ADK: variants seen among roughly 807,000 people sequenced by gnomAD.
The protein encoded by ADK is N6,N6-dimethyladenosine kinase.
In ADK, 24 loss-of-function variants were observed where a neutral mutation model predicts 44.7. That is an observed-to-expected ratio of 0.54 (90% confidence interval 0.39 to 0.76). ADK has a LOEUF of 0.76. ADK is among the 30% of genes least tolerant of loss of function. ADK has a pLI of 0.00. For synonymous variants in ADK, 128 were observed against 142.6 expected (o/e 0.90, Z 0.73); for missense variants, 321 against 425.1 (o/e 0.76, Z 2.15).
chr10:74,401,852 G>T (rs2132877309), intron 6 of ADK, among the ~76,000 whole-genome samples: 1 of 152,248 alleles, frequency 6.6e-6, no homozygotes, highest in South Asian at 2.1e-4. Flanking sequence ...TCTTTACAAT[G>T]TAGCATGTTT....
At chr10:74,699,147 CCTT>C (rs1415038003) in intron 10 of ADK, among the ~76,000 whole-genome samples, 1 of 87,852 alleles carries the variant, frequency 1.1e-5, no homozygotes, top group Admixed American at 1.6e-4. Flanking sequence ...CCCAACCTAG[CCTT>C]TTTTTTTTTT....
At chr10:74,342,377 A>C (rs950389135) in intron 4 of ADK, among the ~76,000 whole-genome samples, 1 of 152,104 alleles carries the variant, frequency 6.6e-6, no homozygotes, top group Non-Finnish European at 1.5e-5. Context: ...CCCAAATATT[A>C]TTTTCTTTTT....
intron 4 of ADK, among the ~76,000 whole-genome samples, chr10:74,373,663 G>A (rs1312611213): frequency 6.6e-6 from 1 of 152,202 alleles, no homozygotes; most frequent in Non-Finnish European, 1.5e-5. Context: ...CAGAAGGACA[G>A]AGTTTTGGCA....
intron 10 of ADK, among the ~76,000 whole-genome samples, chr10:74,677,975 A>AAAG (rs1855460243): frequency 6.8e-6 from 1 of 146,502 alleles, no homozygotes; most frequent in Non-Finnish European, 1.5e-5. Context: ...CAAAAAAAAA[A>AAAG]AAAAAAAAAA....
intron 7 of ADK, among the ~76,000 whole-genome samples, chr10:74,556,463 T>C (rs1001080859): frequency 8.5e-5 from 13 of 152,226 alleles, no homozygotes; most frequent in Non-Finnish European, 1.9e-4. Context: ...TGTACTGTTA[T>C]TTGCCACTGA....
intron 3 of ADK, among the ~76,000 whole-genome samples, chr10:74,302,074 C>G (rs1305755193): frequency 2.1e-5 from 2 of 94,424 alleles, no homozygotes; most frequent in African/African-American, 4.3e-5. Flanking sequence ...CTTATTTTTG[C>G]TTTCTTTTCT....
At chr10:74,602,687 C>T (rs1209166155) in intron 9 of ADK, among the ~76,000 whole-genome samples, 1 of 152,130 alleles carries the variant, frequency 6.6e-6, no homozygotes, top group African/African-American at 2.4e-5. Flanking sequence ...TCAAAGGATG[C>T]ACTATATCTG....
chr10:74,565,739 A>C (rs1014644881), intron 7 of ADK, among the ~76,000 whole-genome samples: 15 of 151,674 alleles, frequency 9.9e-5, no homozygotes, highest in East Asian at 7.7e-4. Flanking sequence ...AAAAAAAAAA[A>C]AAAAAAAAAA....
At chr10:74,192,587 A>G (rs978787791) in intron 1 of ADK, among the ~76,000 whole-genome samples, 4 of 148,138 alleles carry the variant, frequency 2.7e-5, no homozygotes, top group Admixed American at 2.1e-4. Flanking sequence ...GCCAGAGTGT[A>G]TTGGCATGAT....
chr10:74,550,671 A>G (rs1417702516), intron 7 of ADK, among the ~76,000 whole-genome samples: 3 of 152,216 alleles, frequency 2.0e-5, no homozygotes, highest in East Asian at 3.8e-4. Flanking sequence ...GACATGGTAT[A>G]GTAGGTAGTC....
At chr10:74,422,395 G>GT (rs1291988947) in intron 6 of ADK, among the ~76,000 whole-genome samples, 1 of 152,198 alleles carries the variant, frequency 6.6e-6, no homozygotes, top group Non-Finnish European at 1.5e-5. Flanking sequence ...ATGTTACATA[G>GT]TTTCCTGGAT....
intron 3 of ADK, among the ~76,000 whole-genome samples, chr10:74,228,692 G>A (rs1844639065): frequency 6.6e-6 from 1 of 152,088 alleles, no homozygotes. Flanking sequence ...ATTGAAAATA[G>A]AACCATTTTG....
chr10:74,464,816 G>A (rs956521872), intron 6 of ADK, among the ~76,000 whole-genome samples: 28 of 145,604 alleles, frequency 1.9e-4, no homozygotes, highest in Non-Finnish European at 3.1e-4. Flanking sequence ...CCACTGCACT[G>A]CAGCCTGGGC....
chr10:74,177,945 A>ATATATTTT (rs10693309), intron 1 of ADK, among the ~76,000 whole-genome samples: 2,144 of 108,854 alleles, frequency 0.02, 23 homozygotes, highest in Middle Eastern at 0.041. Flanking sequence ...ATATATATAT[A>ATATATTTT]TTTTTTTTTT....
chr10:74,168,891 G>A (rs1842097661), intron 1 of ADK, among the ~76,000 whole-genome samples: 1 of 152,142 alleles, frequency 6.6e-6, no homozygotes, highest in Non-Finnish European at 1.5e-5. Flanking sequence ...GATTACAGAC[G>A]TGAGCCACCG....
intron 2 of ADK, among the ~76,000 whole-genome samples, chr10:74,215,359 G>C (rs1349495461): frequency 6.6e-6 from 1 of 152,216 alleles, no homozygotes; most frequent in Non-Finnish European, 1.5e-5. Context: ...GCCTAGGTTG[G>C]AGTGCAGTGG....
intron 6 of ADK, among the ~76,000 whole-genome samples, chr10:74,519,968 C>T (rs1277212722): frequency 6.6e-6 from 1 of 151,754 alleles, no homozygotes; most frequent in East Asian, 1.9e-4. Context: ...AAGTTTTTCC[C>T]ACTCTAGAAG....
intron 4 of ADK, among the ~76,000 whole-genome samples, chr10:74,385,218 G>A (rs1330089214): frequency 6.6e-6 from 1 of 152,190 alleles, no homozygotes; most frequent in Non-Finnish European, 1.5e-5. Flanking sequence ...TTTTATAGTA[G>A]TCTAATTGAG....
At chr10:74,251,171 A>G (rs1046394507) in intron 3 of ADK, among the ~76,000 whole-genome samples, 8 of 152,240 alleles carry the variant, frequency 5.3e-5, no homozygotes, top group Non-Finnish European at 1.0e-4. Context: ...AGGAAAAGCA[A>G]TATGGTTGAG....
Sources: gnomAD v4.1 joint callset for allele counts (sites outside exome capture counted in the v4.1 genomes callset) on GRCh38, gnomAD v4.1.1 for gene constraint, MANE v1.5 for transcripts, NCBI Gene and HGNC (gene_info 2026-07-23, HGNC 2026-07-21) for gene names.